SAMD4A: variants seen among roughly 807,000 people sequenced by gnomAD.
SAMD4A encodes the protein sterile alpha motif domain containing 4A.
SAMD4A carries 33 observed loss-of-function variants against 81.3 expected under a neutral mutation model. The observed-to-expected ratio is 0.41, with a 90% confidence interval of 0.31 to 0.54. The LOEUF (loss-of-function observed/expected upper bound fraction) is 0.54. Ranked by LOEUF, SAMD4A falls within the 20% of genes least tolerant of loss-of-function variation. The probability of loss-of-function intolerance (pLI) is 0.37; values close to 1 mark genes in which losing one functional copy is unlikely to be tolerated. For synonymous variants in SAMD4A, 389 were observed against 382.1 expected (o/e 1.02, Z -0.21); for missense variants, 854 against 951.1 (o/e 0.90, Z 1.34).
intron 3 of SAMD4A, among the ~76,000 whole-genome samples, chr14:54,722,253 A>C (rs79251461): frequency 1.2e-3 from 178 of 152,308 alleles, no homozygotes; most frequent in African/African-American, 4.2e-3. Flanking sequence ...AGCTAATATG[A>C]GAAGGATAGG....
chr14:54,604,477 A>T (rs1345860914), intron 2 of SAMD4A, among the ~76,000 whole-genome samples: 2 of 152,208 alleles, frequency 1.3e-5, no homozygotes, highest in East Asian at 3.8e-4. Flanking sequence ...CGCAATACAA[A>T]ATGAACTTCC....
intron 11 of SAMD4A, among the ~76,000 whole-genome samples, chr14:54,781,655 C>G (rs1259615334): frequency 6.6e-6 from 1 of 152,204 alleles, no homozygotes; most frequent in Non-Finnish European, 1.5e-5. Context: ...TCTGCCTGGT[C>G]TGTGGCCACG....
rs3051653 is a variant in SAMD4A at position 54,757,383 on chromosome 14, TTGTGTGTG to T, written c.1177-2740_1177-2733del. 6.7e-3 allele frequency among the ~76,000 whole-genome samples: 934 copies of T among 140,136 alleles called. 12 individuals carry two copies. In the East Asian group the frequency reaches 0.068, roughly 10 times the overall value. 91.9% of individuals were successfully genotyped at this position (140,136 alleles called of 152,430 possible). A position where few individuals can be genotyped will look rare whatever the true frequency, so the allele number is the denominator to read the frequency against. Reference sequence around the variant, plus strand: ...TTCGTTATGTATTTGGTTTCTTTATTTGTGTGTGTGTGTGTGTGTGTGTGTGTGTGTGT... The same window carrying T: ...TTCGTTATGTATTTGGTTTCTTTATTTGTGTGTGTGTGTGTGTGTGTGTGT... On this transcript the variant is annotated intron_variant, in intron 6 of 12. Coordinates refer to ENST00000554335, the MANE Select transcript of SAMD4A (RefSeq NM_015589.6).
intron 3 of SAMD4A, among the ~76,000 whole-genome samples, chr14:54,718,487 A>C (rs1216512337): frequency 6.6e-6 from 1 of 152,236 alleles, no homozygotes; most frequent in Non-Finnish European, 1.5e-5. Flanking sequence ...TGTGACTCTT[A>C]GTAAAAGGCC....
At chr14:54,616,271 G>T (rs562267798) in intron 2 of SAMD4A, among the ~76,000 whole-genome samples, 1 of 152,244 alleles carries the variant, frequency 6.6e-6, no homozygotes, top group South Asian at 2.1e-4. Flanking sequence ...ATTCTAGGGG[G>T]AAATACCTTT....
intron 3 of SAMD4A, among the ~76,000 whole-genome samples, chr14:54,704,027 G>T (rs949255731): frequency 1.1e-4 from 17 of 152,218 alleles, no homozygotes; most frequent in Admixed American, 1.1e-3. Context: ...GAATAACCAA[G>T]CAAACACTGA....
At chr14:54,706,280 C>CAAAAAAAA (rs112193724) in intron 3 of SAMD4A, among the ~76,000 whole-genome samples, 5 of 110,376 alleles carry the variant, frequency 4.5e-5, no homozygotes, top group Admixed American at 9.8e-5. Flanking sequence ...GACTTAGTCT[C>CAAAAAAAA]AAAAAAAAAA....
intron 2 of SAMD4A, among the ~76,000 whole-genome samples, chr14:54,686,617 C>G (rs575861561): frequency 5.3e-5 from 8 of 149,798 alleles, no homozygotes; most frequent in African/African-American, 2.0e-4. Flanking sequence ...GAGTTGGCAA[C>G]TCAAAAGGAG....
At chr14:54,760,996 T>C (rs1375524434) in intron 7 of SAMD4A, among the ~76,000 whole-genome samples, 1 of 51,614 alleles carries the variant, frequency 1.9e-5, no homozygotes, top group African/African-American at 8.3e-5. Flanking sequence ...CCACTGAAAG[T>C]GTTCTCAGAT....
At chr14:54,566,344 G>A (rs990750764), upstream of SAMD4A, among the ~76,000 whole-genome samples, 3 of 151,728 alleles carry the variant, frequency 2.0e-5, no homozygotes, top group East Asian at 5.8e-4. Context: ...CTCGGCGGGG[G>A]ACCCGCGGGT....
intron 2 of SAMD4A, among the ~76,000 whole-genome samples, chr14:54,691,549 CA>C (rs10610242): frequency 0.17 from 16,713 of 100,548 alleles, 1,424 homozygotes; most frequent in East Asian, 0.35. Context: ...CTTCCCTTCT[CA>C]AAAAAAAAAA....
chr14:54,787,339 A>C (rs961931751), intron 12 of SAMD4A, among the ~76,000 whole-genome samples: 2 of 152,220 alleles, frequency 1.3e-5, no homozygotes, highest in African/African-American at 4.8e-5. Flanking sequence ...TTACAACAGC[A>C]TGTGAACCTA....
intron 3 of SAMD4A, among the ~76,000 whole-genome samples, chr14:54,709,865 A>C (rs2036947263): frequency 1.3e-5 from 2 of 152,202 alleles, no homozygotes; most frequent in Admixed American, 1.3e-4. Context: ...CAGGCAAAGA[A>C]TAAGTATTTC....
intron 2 of SAMD4A, among the ~76,000 whole-genome samples, chr14:54,646,565 G>C (rs1594768866): frequency 1.3e-5 from 2 of 152,308 alleles, no homozygotes; most frequent in East Asian, 3.9e-4. Context: ...AGAGAAGAAT[G>C]GATGGCCAGT....
At chr14:54,687,961 C>T in intron 2 of SAMD4A, 1 of 986,156 alleles carries the variant, frequency 1.0e-6, no homozygotes, top group Non-Finnish European at 1.2e-6. Flanking sequence ...TCATAATACC[C>T]AGCCAGACAC....
At chr14:54,746,176 A>G (rs753577381) in intron 4 of SAMD4A, among the ~76,000 whole-genome samples, 17 of 152,220 alleles carry the variant, frequency 1.1e-4, no homozygotes, top group Non-Finnish European at 2.4e-4. Context: ...CCTCACCACA[A>G]TCCAGAGGGT....
intron 2 of SAMD4A, among the ~76,000 whole-genome samples, chr14:54,651,127 T>A (rs2140423317): frequency 6.6e-6 from 1 of 152,232 alleles, no homozygotes. Context: ...TCTGAAAGTG[T>A]CAGGAGGAGC....
intron 2 of SAMD4A, among the ~76,000 whole-genome samples, chr14:54,646,790 T>C (rs756893192): frequency 9.9e-5 from 15 of 152,244 alleles, no homozygotes; most frequent in Non-Finnish European, 2.2e-4. Context: ...TGTTTTGTTT[T>C]TCAAATTTTT....
intron 2 of SAMD4A, among the ~76,000 whole-genome samples, chr14:54,643,261 T>TC (rs1295928657): frequency 3.3e-5 from 5 of 152,218 alleles, no homozygotes; most frequent in Non-Finnish European, 5.9e-5. Context: ...CAAATGGTCT[T>TC]CCCCGATATG....
Sources: allele counts gnomAD v4.1 joint callset (sites outside exome capture counted in the v4.1 genomes callset), GRCh38; gene constraint gnomAD v4.1.1; transcripts MANE v1.5; gene names NCBI Gene and HGNC (gene_info 2026-07-23, HGNC 2026-07-21).